The following PAPPA2 variants were observed in gnomAD, a reference collection of about 807,000 sequenced individuals.
The protein encoded by PAPPA2 is pappalysin-2.
PAPPA2 carries 86 observed loss-of-function variants against 176.4 expected under a neutral mutation model. That is an observed-to-expected ratio of 0.49 (90% confidence interval 0.41 to 0.58). The LOEUF is 0.58. PAPPA2 is among the 20% of genes least tolerant of loss of function. The pLI, the probability that PAPPA2 is intolerant of heterozygous loss-of-function variation, is 0.00. For missense variants in PAPPA2, 2,073 were observed against 2,256.9 expected (o/e 0.92, Z 1.65); for synonymous variants, 809 against 852.2 (o/e 0.95, Z 0.88).
intron 20 of PAPPA2, among the ~76,000 whole-genome samples, chr1:176,798,604 A>T (rs1202647601): frequency 6.6e-6 from 1 of 152,252 alleles, no homozygotes; most frequent in African/African-American, 2.4e-5. Flanking sequence ...GTAGAGCTCC[A>T]GTGGAACCTG....
intron 4 of PAPPA2, among the ~76,000 whole-genome samples, chr1:176,674,622 T>C (rs1659186127): frequency 6.6e-6 from 1 of 152,150 alleles, no homozygotes; most frequent in Non-Finnish European, 1.5e-5. Flanking sequence ...TAGTATTCTA[T>C]GGTATACACA....
intron 1 of PAPPA2, among the ~76,000 whole-genome samples, chr1:176,545,068 T>G (rs972343571): frequency 1.3e-5 from 2 of 152,160 alleles, no homozygotes; most frequent in Admixed American, 1.3e-4. Flanking sequence ...ATTAAATCAT[T>G]AGCCGTTGGT....
At chr1:176,712,727 G>T (rs1661200625) in intron 12 of PAPPA2, among the ~76,000 whole-genome samples, 1 of 152,158 alleles carries the variant, frequency 6.6e-6, no homozygotes, top group African/African-American at 2.4e-5. Flanking sequence ...ATCGCAAGTA[G>T]GCCAGCTTTG....
intron 7 of PAPPA2, among the ~76,000 whole-genome samples, chr1:176,696,237 C>A (rs1268836124): frequency 6.7e-6 from 1 of 150,146 alleles, no homozygotes; most frequent in African/African-American, 2.5e-5. Flanking sequence ...ACAGTGTAAG[C>A]TGACCTCTTA....
At chr1:176,578,423 A>G (rs145087759) in intron 2 of PAPPA2, among the ~76,000 whole-genome samples, 1 of 152,306 alleles carries the variant, frequency 6.6e-6, no homozygotes, top group African/African-American at 2.4e-5. Context: ...GGGTTCCCCA[A>G]GACTGGAGGG....
At chr1:176,819,700 C>G (rs1666576926) in intron 21 of PAPPA2, among the ~76,000 whole-genome samples, 1 of 152,192 alleles carries the variant, frequency 6.6e-6, no homozygotes, top group South Asian at 2.1e-4. Flanking sequence ...CATAGCCATA[C>G]TGCAGGTGAT....
intron 11 of PAPPA2, among the ~76,000 whole-genome samples, 199 bp from the exon 12 acceptor site, chr1:176,711,636 C>A: frequency 6.6e-6 from 1 of 152,154 alleles, no homozygotes. Context: ...GTTGTGTTTT[C>A]TACCCTTGTA....
chr1:176,586,850 T>A (rs1343167897), intron 2 of PAPPA2, among the ~76,000 whole-genome samples: 1 of 152,328 alleles, frequency 6.6e-6, no homozygotes, highest in East Asian at 1.9e-4. Context: ...TGGTTCTAGA[T>A]CCTTGAGAAA....
intron 21 of PAPPA2, among the ~76,000 whole-genome samples, chr1:176,828,678 A>G (rs1666953637): frequency 6.6e-6 from 1 of 152,136 alleles, no homozygotes; most frequent in Non-Finnish European, 1.5e-5. Context: ...TAGATATGAA[A>G]GAGAATAAAA....
intron 21 of PAPPA2, among the ~76,000 whole-genome samples, chr1:176,836,314 C>T (rs189325845): frequency 8.0e-4 from 122 of 152,306 alleles, no homozygotes; most frequent in African/African-American, 2.7e-3. Flanking sequence ...TTAGCATCTT[C>T]TCTTGGTCTG....
intron 3 of PAPPA2, among the ~76,000 whole-genome samples, chr1:176,625,741 T>C (rs1055016248): frequency 6.6e-6 from 1 of 152,210 alleles, no homozygotes; most frequent in South Asian, 2.1e-4. Flanking sequence ...ATATACGACA[T>C]ACTTGGCAAT....
intron 14 of PAPPA2, among the ~76,000 whole-genome samples, chr1:176,749,837 ATTATGTGAATGTACAACCGT>A (rs1322199946): frequency 1.3e-5 from 2 of 152,128 alleles, no homozygotes; most frequent in African/African-American, 4.8e-5. Context: ...ATAATATTCC[ATTATGTGAATGTACAACCGT>A]TTATTTATCC....
chr1:176,570,760 G>A (rs1441009090), intron 2 of PAPPA2, among the ~76,000 whole-genome samples: 1 of 151,392 alleles, frequency 6.6e-6, no homozygotes, highest in Non-Finnish European at 1.5e-5. Flanking sequence ...CAAGGAGGTG[G>A]TCCCAGCCCC....
At chr1:176,509,902 C>T (rs1309948317) in intron 1 of PAPPA2, among the ~76,000 whole-genome samples, 4 of 151,742 alleles carry the variant, frequency 2.6e-5, no homozygotes, top group Admixed American at 2.0e-4. Flanking sequence ...GGCATGGTGA[C>T]GTGTGCCTGT....
intron 17 of PAPPA2, among the ~76,000 whole-genome samples, chr1:176,778,415 T>C (rs1326881698): frequency 6.6e-6 from 1 of 152,220 alleles, no homozygotes; most frequent in African/African-American, 2.4e-5. Context: ...GGCAAGGGCA[T>C]GTCCTGGAGA....
At chr1:176,615,121 T>C (rs1415673874) in intron 3 of PAPPA2, among the ~76,000 whole-genome samples, 1 of 152,236 alleles carries the variant, frequency 6.6e-6, no homozygotes, top group Non-Finnish European at 1.5e-5. Context: ...GAGCATATTC[T>C]ATATGTTCTG....
intron 1 of PAPPA2, among the ~76,000 whole-genome samples, chr1:176,519,958 A>G (rs753641492): frequency 1.1e-4 from 16 of 152,178 alleles, no homozygotes; most frequent in Non-Finnish European, 2.1e-4. Flanking sequence ...GTTAGCACTG[A>G]GAAGCTTGGA....
intron 14 of PAPPA2, among the ~76,000 whole-genome samples, chr1:176,764,566 A>T (rs566783722): frequency 1.3e-5 from 2 of 150,562 alleles, no homozygotes; most frequent in African/African-American, 4.9e-5. Flanking sequence ...CCATGGCAAG[A>T]GGGTGACACT....
At chr1:176,565,871 T>C (rs887755869) in intron 2 of PAPPA2, among the ~76,000 whole-genome samples, 1 of 152,200 alleles carries the variant, frequency 6.6e-6, no homozygotes. Context: ...CTAGTTGAAG[T>C]GGGTTCTCTC....
Sources: gnomAD v4.1 joint callset for allele counts (sites outside exome capture counted in the v4.1 genomes callset) on GRCh38, gnomAD v4.1.1 for gene constraint, MANE v1.5 for transcripts, NCBI Gene and HGNC (gene_info 2026-07-23, HGNC 2026-07-21) for gene names.